The following NKAPD1 variants were observed in gnomAD, a reference collection of about 807,000 sequenced individuals.
NKAPD1 encodes the protein NKAP domain containing 1.
NKAPD1 carries 12 observed loss-of-function variants against 30.9 expected under a neutral mutation model. That is an observed-to-expected ratio of 0.39 (90% CI 0.25 to 0.63). The LOEUF is 0.63. NKAPD1 is among the 20% of genes least tolerant of loss of function. NKAPD1 has a pLI of 0.51. For missense variants in NKAPD1, 311 were observed against 344.5 expected (o/e 0.90, Z 0.77); for synonymous variants, 91 against 113.6 (o/e 0.80, Z 1.26).
At chr11:112,080,782 A>G in intron 4 of NKAPD1, 1 of 514,184 alleles carries the variant, frequency 1.9e-6, no homozygotes. Flanking sequence ...AGTAAAAGAA[A>G]TGAAGTACAG....
intron 1 of NKAPD1, 130 bp from the exon 2 acceptor site, chr11:112,075,435 CTA>C: frequency 1.5e-6 from 1 of 656,618 alleles, no homozygotes; most frequent in East Asian, 2.9e-5. Flanking sequence ...AAAGGGAAAA[CTA>C]TTCTTTAGAA....
At chr11:112,075,514 G>A in intron 1 of NKAPD1, 53 bp from the exon 2 acceptor site, 2 of 1,371,166 alleles carry the variant, frequency 1.5e-6, no homozygotes, top group Non-Finnish European at 2.0e-6. Flanking sequence ...TTCAAGAAAA[G>A]ATAAAGTAAT....
intron 2 of NKAPD1, among the ~76,000 whole-genome samples, chr11:112,076,383 T>C (rs779610786): frequency 6.6e-6 from 1 of 151,924 alleles, no homozygotes; most frequent in Non-Finnish European, 1.5e-5. Context: ...ATTTAGGAGA[T>C]AGAATCCAAA....
chr11:112,083,389 T>G lies in NKAPD1; in HGVS notation c.*417T>G, dbSNP rs1247576291. ...GATGGTATGACAAGGCAACACTGTA[T>G]TGCTCTCTGTTTATATAGCAGGTGT... On this transcript the variant is annotated 3_prime_UTR_variant, in exon 6 of 6. Coordinates refer to ENST00000393047, the MANE Select transcript of NKAPD1 (RefSeq NM_018195.4). 3 of 156,140 alleles carry G rather than the reference T, an allele frequency of 1.9e-5. No individual in the cohort carries two copies. Among genetic ancestry groups the G allele is most frequent in the Non-Finnish European group, 2.8e-5 (2 of 70,390 alleles). The allele number at this position is 156,140 out of a possible 1,614,324, so 9.7% of individuals were successfully genotyped here.
chr11:112,077,469 C>A (rs1170912768), intron 2 of NKAPD1, among the ~76,000 whole-genome samples: 1 of 152,144 alleles, frequency 6.6e-6, no homozygotes, highest in East Asian at 1.9e-4. Context: ...CCTGTCCTTA[C>A]TAGTTTTTTG....
intron 3 of NKAPD1, among the ~76,000 whole-genome samples, chr11:112,079,799 T>C (rs1257404498): frequency 6.6e-6 from 1 of 151,808 alleles, no homozygotes; most frequent in African/African-American, 2.4e-5. Flanking sequence ...AATGGTCAGA[T>C]TTTTTTCTTT....
In NKAPD1 at chr11:112,082,621, C is replaced by T; in HGVS notation, c.531C>T (p.Ala177=). ...HKKQKKSKKE[A]TDITADSSSE... is the part of the protein sequence containing the mutation. ...AACAGAAGAAAAGCAAAAAGGAAGCCACAGATATAACAGCAGATTCCTCGA... is the reference window on the plus strand; with the variant it reads ...AACAGAAGAAAAGCAAAAAGGAAGCTACAGATATAACAGCAGATTCCTCGA... Residue 177 remains alanine (A), a synonymous_variant, in exon 6 of 6, where the codon GCC becomes GCT. Transcript: ENST00000393047. 2 of 1,613,184 alleles carry T rather than the reference C, an allele frequency of 1.2e-6. No homozygotes were observed. Among genetic ancestry groups the T allele is most frequent in the Non-Finnish European group, 1.7e-6 (2 of 1,179,882 alleles).
At chr11:112,079,146 T>C (rs1865391931) in intron 3 of NKAPD1, among the ~76,000 whole-genome samples, 2 of 148,630 alleles carry the variant, frequency 1.3e-5, no homozygotes, top group South Asian at 4.3e-4. Context: ...TTACAATTTT[T>C]TTTTTTTTTT....
At chr11:112,076,337 G>C (rs1035646309) in intron 2 of NKAPD1, among the ~76,000 whole-genome samples, 1 of 152,022 alleles carries the variant, frequency 6.6e-6, no homozygotes, top group Non-Finnish European at 1.5e-5. Context: ...ATGAGGGTTC[G>C]CATGAAATTA....
At position 112,074,792 on chromosome 11, in the gene NKAPD1, C is replaced by T; in HGVS notation, c.-133C>T. On this transcript the variant is annotated 5_prime_UTR_variant, in exon 1 of 6. Transcript: ENST00000393047. The stretch of plus-strand genomic sequence containing the variant: ...GGGAAGGCTGCGTTTTCACGAAGGA[C>T]TCGGGTGAAGCTGCAGAGCTGCCTT... The T allele has an allele frequency of 3.4e-6, 1 of 295,084 alleles. No individual in the cohort carries two copies. Among genetic ancestry groups the T allele is most frequent in the Non-Finnish European group, 6.2e-6 (1 of 160,562 alleles). 18.3% of individuals were successfully genotyped at this position (295,084 alleles called of 1,614,324 possible).
chr11:112,082,978 A>C lies in NKAPD1; in HGVS notation c.*6A>C. On this transcript the variant is annotated 3_prime_UTR_variant, in exon 6 of 6. Coordinates refer to ENST00000393047, the MANE Select transcript of NKAPD1 (RefSeq NM_018195.4). ...AGAGCTCAGAGGATGACTAAATGGGAAACACTTTTGTTTTCCACATGACTG... is the reference window on the plus strand; with the variant it reads ...AGAGCTCAGAGGATGACTAAATGGGCAACACTTTTGTTTTCCACATGACTG... 4 of 1,580,354 alleles carry C rather than the reference A, an allele frequency of 2.5e-6. No individual in the cohort carries two copies. The highest frequency in any genetic ancestry group is 3.4e-6 in the Non-Finnish European group (4 of 1,169,626).
Position 112,083,151 on chromosome 11 carries a change from G to C in NKAPD1, c.*179G>C. Reference sequence around the variant, plus strand: ...GCGTTAAGCTTGATCCCCTTTTCTTGTTAAAAGGGAATCTGGTATTTTGTT... The same window carrying C: ...GCGTTAAGCTTGATCCCCTTTTCTTCTTAAAAGGGAATCTGGTATTTTGTT... On this transcript the variant is annotated 3_prime_UTR_variant, in exon 6 of 6. Transcript: ENST00000393047. 1.8e-6 allele frequency: 1 copy of C among 546,366 alleles called. No homozygotes were observed. Among genetic ancestry groups the C allele is most frequent in the Non-Finnish European group, 3.0e-6 (1 of 335,456 alleles). The allele number at this position is 546,366 out of a possible 1,614,324, so 33.8% of individuals were successfully genotyped here. A position where few individuals can be genotyped will look rare whatever the true frequency, so the allele number is the denominator to read the frequency against.
intron 2 of NKAPD1, among the ~76,000 whole-genome samples, chr11:112,075,963 G>C (rs1226925624): frequency 6.6e-6 from 1 of 152,200 alleles, no homozygotes; most frequent in Non-Finnish European, 1.5e-5. Context: ...TCTTGAATAG[G>C]TATACGTTTA....
chr11:112,083,183 G>T lies in NKAPD1; in HGVS notation c.*211G>T. 4.4e-6 allele frequency: 2 copies of T among 453,994 alleles called. No individual in the cohort carries two copies. Among genetic ancestry groups the T allele is most frequent in the Non-Finnish European group, 3.7e-6 (1 of 269,558 alleles). 28.1% of individuals were successfully genotyped at this position (453,994 alleles called of 1,614,324 possible). On this transcript the variant is annotated 3_prime_UTR_variant, in exon 6 of 6. Coordinates refer to ENST00000393047, the MANE Select transcript of NKAPD1 (RefSeq NM_018195.4). ...GGGAATCTGGTATTTTGTTATGAAG[G>T]TTTCTTGAAGAGATTATTTTTTTTT...
At position 112,081,905 on chromosome 11, in the gene NKAPD1, A is replaced by T. The variant is rs1036803331; in HGVS notation, c.321-77A>T. ...TATGTTTGTGTATGCATGTACTCCA[A>T]AGTCTTTCTAATGTTGCTTTAATTT... On this transcript the variant is annotated intron_variant, in intron 4 of 5. Transcript: ENST00000393047. 8 of 1,195,278 alleles carry T rather than the reference A, an allele frequency of 6.7e-6. No homozygotes were observed. The African/African-American group carries it at 9.0e-5, about 13-fold the overall frequency. The allele number at this position is 1,195,278 out of a possible 1,614,324, so 74.0% of individuals were successfully genotyped here.
intron 2 of NKAPD1, among the ~76,000 whole-genome samples, chr11:112,077,997 T>C (rs1469568060): frequency 6.6e-6 from 1 of 151,920 alleles, no homozygotes; most frequent in Non-Finnish European, 1.5e-5. Flanking sequence ...AGGTGCATGC[T>C]ACCACGCCCG....
At chr11:112,080,770 G>C in intron 4 of NKAPD1, 1 of 536,502 alleles carries the variant, frequency 1.9e-6, no homozygotes. Context: ...ATATTATTTG[G>C]CAGTAAAAGA....
rs2135257232 is a variant in NKAPD1 at position 112,083,814 on chromosome 11, T to C, written c.*842T>C. 1 of 152,758 alleles carries C rather than the reference T, an allele frequency of 6.5e-6. No individual in the cohort carries two copies. Among genetic ancestry groups the C allele is most frequent in the East Asian group, 1.9e-4 (1 of 5,178 alleles). 9.5% of individuals were successfully genotyped at this position (152,758 alleles called of 1,614,324 possible). ...AGCAACTGCCATTTAAATGTTGTCT[T>C]GTTCATTTCTAAATCTGTTCATGAA... On this transcript the variant is annotated 3_prime_UTR_variant, in exon 6 of 6. Coordinates refer to ENST00000393047, the MANE Select transcript of NKAPD1 (RefSeq NM_018195.4).
intron 4 of NKAPD1, 69 bp from the exon 5 acceptor site, chr11:112,081,913 C>A: frequency 7.8e-7 from 1 of 1,285,432 alleles, no homozygotes; most frequent in Non-Finnish European, 1.1e-6. Context: ...CAAAGTCTTT[C>A]TAATGTTGCT....
Sources: allele counts gnomAD v4.1 joint callset (sites outside exome capture counted in the v4.1 genomes callset), GRCh38; gene constraint gnomAD v4.1.1; transcripts MANE v1.5; gene names NCBI Gene and HGNC (gene_info 2026-07-23, HGNC 2026-07-21).